The following CAST variants were observed in gnomAD, a reference collection of about 807,000 sequenced individuals.
The protein encoded by CAST is calpastatin.
A neutral mutation model predicts 119.6 loss-of-function variants in CAST; 76 were observed. The ratio of observed to expected loss-of-function variants is 0.64; its 90% CI spans 0.53 to 0.77. The LOEUF is 0.77. Ranked by LOEUF, CAST falls within the 30% of genes least tolerant of loss-of-function variation. CAST has a pLI of 0.00. For missense variants in CAST, 953 were observed against 946.5 expected (o/e 1.01, Z -0.09); for synonymous variants, 319 against 331.6 (o/e 0.96, Z 0.41).
chr5:96,642,682 C>T (rs1190337741), intron 1 of CAST, among the ~76,000 whole-genome samples: 1 of 151,822 alleles, frequency 6.6e-6, no homozygotes, highest in African/African-American at 2.4e-5. Flanking sequence ...GCTAGGATTA[C>T]AGGCACCCGG....
chr5:96,151,590 T>C, the CAST span, among the ~76,000 whole-genome samples: 1 of 152,180 alleles, frequency 6.6e-6, no homozygotes, highest in African/African-American at 2.4e-5. Context: ...CAAGAAACCA[T>C]ATGTAATGAA....
At chr5:96,306,599 T>G in the CAST span, among the ~76,000 whole-genome samples, 4 of 152,198 alleles carry the variant, frequency 2.6e-5, no homozygotes, top group Non-Finnish European at 2.9e-5. Flanking sequence ...GCTGTAAATT[T>G]CCCTCTACAC....
the CAST span, among the ~76,000 whole-genome samples, chr5:96,019,510 C>T: frequency 6.6e-6 from 1 of 152,146 alleles, no homozygotes; most frequent in Admixed American, 6.5e-5. Flanking sequence ...CAATCTAGAT[C>T]ACTCGGATGG....
the CAST span, among the ~76,000 whole-genome samples, chr5:96,120,821 G>A: frequency 6.6e-6 from 1 of 150,614 alleles, no homozygotes; most frequent in East Asian, 1.9e-4. Context: ...CTTCTTGCTG[G>A]TCCTCCTGGC....
At chr5:96,701,337 C>T (rs1210202776) in intron 3 of CAST, among the ~76,000 whole-genome samples, 3 of 152,176 alleles carry the variant, frequency 2.0e-5, no homozygotes, top group Admixed American at 1.3e-4. Flanking sequence ...AGCTGTGGGG[C>T]CCAGGGCCCA....
At chr5:96,415,945 A>G in the CAST span, 1 of 856,388 alleles carries the variant, frequency 1.2e-6, no homozygotes, top group South Asian at 1.3e-5. Context: ...CCAGTTGTTA[A>G]AAAGAAAAGC....
At chr5:96,318,102 A>C in the CAST span, among the ~76,000 whole-genome samples, 1 of 152,252 alleles carries the variant, frequency 6.6e-6, no homozygotes, top group African/African-American at 2.4e-5. Context: ...CTTAAAAAAA[A>C]ATCACAGCAA....
chr5:96,167,201 A>G, the CAST span, among the ~76,000 whole-genome samples: 5 of 152,210 alleles, frequency 3.3e-5, no homozygotes, highest in Admixed American at 2.0e-4. Flanking sequence ...CTGCCAGCAA[A>G]GATTATTTAT....
At chr5:96,630,201 T>A (rs1747798227) in intron 1 of CAST, among the ~76,000 whole-genome samples, 1 of 152,192 alleles carries the variant, frequency 6.6e-6, no homozygotes, top group Non-Finnish European at 1.5e-5. Flanking sequence ...AAGAAGCAAT[T>A]AACCATAATT....
At chr5:96,416,022 C>T in the CAST span, 305 of 1,556,420 alleles carry the variant, frequency 2.0e-4, no homozygotes, top group Non-Finnish European at 2.2e-4. Flanking sequence ...AGGGACAATC[C>T]TCTGTTTTAC....
At chr5:96,444,574 A>T in the CAST span, among the ~76,000 whole-genome samples, 20,179 of 151,832 alleles carry the variant, frequency 0.13, 1,896 homozygotes, top group African/African-American at 0.26. Flanking sequence ...ATTTCTGAAA[A>T]TTTTTTCTCA....
chr5:96,376,664 C>T, the CAST span, among the ~76,000 whole-genome samples: 2 of 152,168 alleles, frequency 1.3e-5, no homozygotes, highest in Non-Finnish European at 2.9e-5. Context: ...CGGTCTTGAA[C>T]TCTTGACCTC....
chr5:96,719,113 C>A (rs557369552), intron 3 of CAST, among the ~76,000 whole-genome samples: 4 of 152,126 alleles, frequency 2.6e-5, no homozygotes, highest in Non-Finnish European at 5.9e-5. Context: ...CATGTAGTGG[C>A]GCAATGGATG....
the CAST span, among the ~76,000 whole-genome samples, chr5:96,517,795 T>C: frequency 6.6e-6 from 1 of 152,224 alleles, no homozygotes; most frequent in Non-Finnish European, 1.5e-5. Context: ...TTCATTCACA[T>C]TGGCATCTAC....
At chr5:96,149,434 G>A in the CAST span, among the ~76,000 whole-genome samples, 4 of 152,170 alleles carry the variant, frequency 2.6e-5, no homozygotes, top group African/African-American at 9.7e-5. Context: ...GAGTCTGGGG[G>A]AATTTGCTTT....
At chr5:96,091,687 G>A in the CAST span, among the ~76,000 whole-genome samples, 2 of 151,690 alleles carry the variant, frequency 1.3e-5, no homozygotes, top group Non-Finnish European at 2.9e-5. Flanking sequence ...TGTATTTTTA[G>A]TAGAGACAGG....
intron 3 of CAST, among the ~76,000 whole-genome samples, chr5:96,705,442 A>G (rs1754762200): frequency 6.6e-6 from 1 of 152,162 alleles, no homozygotes; most frequent in Admixed American, 6.5e-5. Flanking sequence ...ATCTCCTAAG[A>G]CTTGATGGCT....
rs114512614 is a variant in CAST at position 96,644,700 on chromosome 5, C to T, written c.61-30839C>T. Among the ~76,000 whole-genome samples, 1,072 of 152,266 alleles carry T rather than the reference C, an allele frequency of 7.0e-3. 17 individuals carry two copies. The highest frequency in any genetic ancestry group is 0.024 in the African/African-American group (998 of 41,540). On this transcript the variant is annotated intron_variant, in intron 1 of 11. Coordinates refer to the CAST transcript ENST00000505143. ...ACTATTAATGAAACTCCAAGCCAGG[C>T]GCCGTGGCTCACGCCTGTAATCTCA...
At chr5:96,219,320 C>T in the CAST span, among the ~76,000 whole-genome samples, 7 of 152,306 alleles carry the variant, frequency 4.6e-5, no homozygotes, top group East Asian at 1.9e-4. Flanking sequence ...CTTCCTAAGA[C>T]GCTTCATTCA....
Sources: allele counts gnomAD v4.1 joint callset (sites outside exome capture counted in the v4.1 genomes callset), GRCh38; gene constraint gnomAD v4.1.1; transcripts MANE v1.5; gene names NCBI Gene and HGNC (gene_info 2026-07-23, HGNC 2026-07-21).